Variants in CAMK4 observed in about 807,000 individuals in gnomAD.
CAMK4 encodes calcium/calmodulin-dependent protein kinase type IV.
In CAMK4, 22 loss-of-function variants were observed where a neutral mutation model predicts 44.9. The ratio of observed to expected loss-of-function variants is 0.49; its 90% CI spans 0.35 to 0.70. The LOEUF is 0.70. Ranked by LOEUF, CAMK4 falls within the 30% of genes least tolerant of loss-of-function variation. The pLI, the probability that CAMK4 is intolerant of heterozygous loss-of-function variation, is 0.01. For synonymous variants in CAMK4, 218 were observed against 215.4 expected (o/e 1.01, Z -0.11); for missense variants, 498 against 586.8 (o/e 0.85, Z 1.56).
intron 1 of CAMK4, among the ~76,000 whole-genome samples, chr5:111,324,892 G>T (rs1211235790): frequency 1.3e-5 from 2 of 151,790 alleles, no homozygotes; most frequent in Non-Finnish European, 2.9e-5. Flanking sequence ...ATGCAGGTTT[G>T]TTACATAGGT....
chr5:111,439,218 A>G (rs540161539), intron 5 of CAMK4, among the ~76,000 whole-genome samples: 55 of 152,296 alleles, frequency 3.6e-4, no homozygotes, highest in African/African-American at 1.3e-3. Flanking sequence ...TGAAGGTTAT[A>G]AGCAGGGGAG....
At position 111,443,311 on chromosome 5, in the gene CAMK4, CACACTA is replaced by C. The variant is rs1176165956; in HGVS notation, c.460-3374_460-3369del. On this transcript the variant is annotated intron_variant, in intron 5 of 10. Transcript: ENST00000282356. Reference sequence around the variant, plus strand: ...ACACACACACACACACACACACACACACACTATATATATATACTATATATACTATAT... The same window carrying C: ...ACACACACACACACACACACACACACTATATATATACTATATATACTATAT... Among the ~76,000 whole-genome samples the C allele has an allele frequency of 2.2e-4, 26 of 120,478 alleles. No individual in the cohort carries two copies. The East Asian group carries it at 2.4e-3, about 11-fold the overall frequency. The allele number at this position is 120,478 out of a possible 152,430, so 79.0% of individuals were successfully genotyped here. A position where few individuals can be genotyped will look rare whatever the true frequency, so the allele number is the denominator to read the frequency against.
intron 7 of CAMK4, among the ~76,000 whole-genome samples, chr5:111,460,115 C>T (rs1580783094): frequency 6.6e-6 from 1 of 151,924 alleles, no homozygotes; most frequent in East Asian, 1.9e-4. Flanking sequence ...AGAACACCCA[C>T]AAAATGTTCC....
intron 1 of CAMK4, among the ~76,000 whole-genome samples, chr5:111,260,605 A>G (rs1011606567): frequency 6.6e-6 from 1 of 152,110 alleles, no homozygotes; most frequent in Non-Finnish European, 1.5e-5. Flanking sequence ...TTGAATCTGA[A>G]TATTTTATCC....
intron 5 of CAMK4, among the ~76,000 whole-genome samples, chr5:111,438,527 G>A (rs9326835): frequency 0.31 from 46,382 of 151,900 alleles, 7,179 homozygotes; most frequent in South Asian, 0.39. Flanking sequence ...CAAGTAATCC[G>A]TAAGTGTTAT....
chr5:111,248,344 T>TA (rs1749330403), intron 1 of CAMK4, among the ~76,000 whole-genome samples: 1 of 134,284 alleles, frequency 7.4e-6, no homozygotes, highest in Admixed American at 7.1e-5. Flanking sequence ...GTAATAGCTT[T>TA]TAAATGTTTG....
At chr5:111,366,713 A>G (rs1750806441) in intron 2 of CAMK4, among the ~76,000 whole-genome samples, 1 of 152,102 alleles carries the variant, frequency 6.6e-6, no homozygotes. Flanking sequence ...GTGTTACTCT[A>G]GAATTATACC....
intron 2 of CAMK4, among the ~76,000 whole-genome samples, chr5:111,349,480 C>T (rs1425201946): frequency 6.6e-6 from 1 of 151,750 alleles, no homozygotes; most frequent in African/African-American, 2.4e-5. Context: ...TAAGATGTAA[C>T]CTTTTTATTG....
intron 1 of CAMK4, among the ~76,000 whole-genome samples, chr5:111,242,107 G>A (rs1367056733): frequency 6.6e-6 from 1 of 152,160 alleles, no homozygotes; most frequent in African/African-American, 2.4e-5. Context: ...ACAGCCACAA[G>A]AAAACCTGGT....
At chr5:111,460,430 C>A (rs1754604825) in intron 7 of CAMK4, among the ~76,000 whole-genome samples, 2 of 151,736 alleles carry the variant, frequency 1.3e-5, no homozygotes, top group African/African-American at 4.8e-5. Flanking sequence ...CACTGCCACA[C>A]CGGGCTAATT....
At chr5:111,264,162 G>C (rs1750124332) in intron 1 of CAMK4, among the ~76,000 whole-genome samples, 1 of 152,188 alleles carries the variant, frequency 6.6e-6, no homozygotes, top group Admixed American at 6.5e-5. Flanking sequence ...GTTGTGGGTG[G>C]AGTTGTGTTG....
intron 4 of CAMK4, among the ~76,000 whole-genome samples, chr5:111,382,190 A>G (rs1751442734): frequency 6.6e-6 from 1 of 152,154 alleles, no homozygotes; most frequent in Non-Finnish European, 1.5e-5. Context: ...ATCTTTCCAT[A>G]GCATACACTT....
chr5:111,412,568 A>G (rs1158502493), intron 5 of CAMK4, among the ~76,000 whole-genome samples: 1 of 152,242 alleles, frequency 6.6e-6, no homozygotes, highest in Non-Finnish European at 1.5e-5. Context: ...GGAAGAATGC[A>G]TTGTAATCCA....
chr5:111,375,791 G>A (rs1206042610), intron 3 of CAMK4, among the ~76,000 whole-genome samples: 1 of 152,098 alleles, frequency 6.6e-6, no homozygotes, highest in African/African-American at 2.4e-5. Flanking sequence ...CATCCTCAGT[G>A]CATTGACTTT....
At chr5:111,358,721 C>T (rs888161421) in intron 2 of CAMK4, among the ~76,000 whole-genome samples, 6 of 151,960 alleles carry the variant, frequency 3.9e-5, no homozygotes, top group African/African-American at 9.7e-5. Flanking sequence ...TCTCTCCTCC[C>T]ACCCTTCACC....
intron 1 of CAMK4, among the ~76,000 whole-genome samples, chr5:111,269,798 G>A (rs1057287259): frequency 6.6e-6 from 1 of 152,166 alleles, no homozygotes; most frequent in Non-Finnish European, 1.5e-5. Context: ...TGGGTCTGCT[G>A]TTTGGCATAC....
At chr5:111,359,837 A>G (rs1032032576) in intron 2 of CAMK4, among the ~76,000 whole-genome samples, 7 of 152,098 alleles carry the variant, frequency 4.6e-5, no homozygotes, top group African/African-American at 7.2e-5. Flanking sequence ...AGAACAATCT[A>G]GAACTGTTTT....
chr5:111,441,493 G>T (rs1753819968), intron 5 of CAMK4, among the ~76,000 whole-genome samples: 1 of 151,954 alleles, frequency 6.6e-6, no homozygotes, highest in African/African-American at 2.4e-5. Context: ...CTTTATTAAA[G>T]GTTAGCATTT....
intron 1 of CAMK4, among the ~76,000 whole-genome samples, chr5:111,251,696 T>C (rs924975315): frequency 6.6e-6 from 1 of 152,202 alleles, no homozygotes; most frequent in Non-Finnish European, 1.5e-5. Flanking sequence ...AGTCTTTCCC[T>C]CCCTTTAAAG....
Sources: allele counts gnomAD v4.1 joint callset (sites outside exome capture counted in the v4.1 genomes callset), GRCh38; gene constraint gnomAD v4.1.1; transcripts MANE v1.5; gene names NCBI Gene and HGNC (gene_info 2026-07-23, HGNC 2026-07-21).